Variants in LOC128092253 observed in about 807,000 individuals in gnomAD.
the LOC128092253 span, among the ~76,000 whole-genome samples, chr6:133,963,876 A>C: frequency 0.043 from 6,182 of 143,184 alleles, 151 homozygotes; most frequent in Non-Finnish European, 0.062. Context: ...TAAAAATACA[A>C]AAAAAAAAAA....
chr6:133,965,611 G>GT, the LOC128092253 span, among the ~76,000 whole-genome samples: 323 of 144,920 alleles, frequency 2.2e-3, 2 homozygotes, highest in Admixed American at 2.7e-3. Flanking sequence ...AGTTTTGTGG[G>GT]TTTTTTTTTT....
At chr6:133,969,354 A>AT in the LOC128092253 span, among the ~76,000 whole-genome samples, 4 of 146,068 alleles carry the variant, frequency 2.7e-5, no homozygotes, top group South Asian at 2.2e-4. Context: ...CTTAATATAG[A>AT]TTTTTTTAAC....
chr6:133,962,814 A>G, the LOC128092253 span, among the ~76,000 whole-genome samples: 15 of 152,332 alleles, frequency 9.8e-5, no homozygotes, highest in East Asian at 1.9e-4. Flanking sequence ...TGTGTATACA[A>G]TTTCAGGGGG....
the LOC128092253 span, among the ~76,000 whole-genome samples, chr6:133,968,609 C>G: frequency 6.6e-6 from 1 of 152,204 alleles, no homozygotes; most frequent in African/African-American, 2.4e-5. Flanking sequence ...CAGTTCAGAA[C>G]TAGTCCACTG....
At chr6:133,955,043 T>G in the LOC128092253 span, among the ~76,000 whole-genome samples, 1 of 152,054 alleles carries the variant, frequency 6.6e-6, no homozygotes, top group Non-Finnish European at 1.5e-5. Context: ...TTTAAGACAT[T>G]AAGAAGAAAA....
At chr6:133,976,121 C>T in the LOC128092253 span, among the ~76,000 whole-genome samples, 14 of 151,978 alleles carry the variant, frequency 9.2e-5, no homozygotes, top group Non-Finnish European at 1.8e-4. Context: ...TGTCAAAGGG[C>T]TTGTAGGAAA....
the LOC128092253 span, among the ~76,000 whole-genome samples, chr6:133,963,118 G>T: frequency 1.3e-5 from 2 of 152,174 alleles, no homozygotes; most frequent in African/African-American, 4.8e-5. Context: ...GATTATGCTG[G>T]TTTAAAAGCA....
the LOC128092253 span, among the ~76,000 whole-genome samples, chr6:133,966,845 C>T: frequency 2.0e-5 from 3 of 152,172 alleles, no homozygotes; most frequent in Non-Finnish European, 4.4e-5. Flanking sequence ...GTGGTCCGTC[C>T]TGTCATCTTG....
At chr6:133,977,516 C>CA in the LOC128092253 span, among the ~76,000 whole-genome samples, 4 of 152,174 alleles carry the variant, frequency 2.6e-5, no homozygotes, top group African/African-American at 4.8e-5. Flanking sequence ...GAGTAGAACT[C>CA]AAAGTAGTAA....
the LOC128092253 span, among the ~76,000 whole-genome samples, chr6:133,961,039 A>T: frequency 6.6e-6 from 1 of 152,362 alleles, no homozygotes; most frequent in East Asian, 1.9e-4. Context: ...TGTTAGGTGT[A>T]GGAGCACTAA....
the LOC128092253 span, among the ~76,000 whole-genome samples, chr6:133,964,285 A>T: frequency 6.6e-6 from 1 of 152,164 alleles, no homozygotes; most frequent in Non-Finnish European, 1.5e-5. Context: ...AGTTACTCAG[A>T]TCTGACAAGC....
the LOC128092253 span, among the ~76,000 whole-genome samples, chr6:133,977,956 A>G: frequency 6.6e-6 from 1 of 152,240 alleles, no homozygotes; most frequent in Non-Finnish European, 1.5e-5. Flanking sequence ...TAGACTTCCC[A>G]GAGGATACAT....
the LOC128092253 span, among the ~76,000 whole-genome samples, chr6:133,966,736 C>T: frequency 6.6e-6 from 1 of 152,048 alleles, no homozygotes; most frequent in African/African-American, 2.4e-5. Context: ...TCCCTTTTTT[C>T]CATCCCCATA....
chr6:133,962,511 C>CA, the LOC128092253 span, among the ~76,000 whole-genome samples: 28 of 152,328 alleles, frequency 1.8e-4, no homozygotes, highest in African/African-American at 6.0e-4. Flanking sequence ...AATTGTGACT[C>CA]ACTCCATTCA....
the LOC128092253 span, among the ~76,000 whole-genome samples, chr6:133,972,582 C>G: frequency 6.6e-6 from 1 of 152,300 alleles, no homozygotes; most frequent in East Asian, 1.9e-4. Flanking sequence ...TATGGAAACA[C>G]ACGGGCATGG....
the LOC128092253 span, among the ~76,000 whole-genome samples, chr6:133,966,667 A>G: frequency 6.6e-6 from 1 of 152,094 alleles, no homozygotes; most frequent in South Asian, 2.1e-4. Flanking sequence ...CCCTTTCTCC[A>G]GTGTTTCCTA....
the LOC128092253 span, among the ~76,000 whole-genome samples, chr6:133,962,070 T>A: frequency 6.6e-6 from 1 of 152,120 alleles, no homozygotes; most frequent in Admixed American, 6.5e-5. Context: ...AAGGACGATT[T>A]AGGCAGCTAT....
the LOC128092253 span, among the ~76,000 whole-genome samples, chr6:133,969,756 A>G: frequency 7.2e-5 from 11 of 152,238 alleles, no homozygotes; most frequent in African/African-American, 2.4e-4. Context: ...GTTAGACCTT[A>G]GTGCATCTAA....
chr6:133,957,410 T>C, the LOC128092253 span, among the ~76,000 whole-genome samples: 2 of 152,250 alleles, frequency 1.3e-5, no homozygotes, highest in East Asian at 3.8e-4. Flanking sequence ...GATAGACATC[T>C]GTGTGTAGAC....
Sources: allele counts gnomAD v4.1 joint callset (sites outside exome capture counted in the v4.1 genomes callset), GRCh38; gene constraint gnomAD v4.1.1; transcripts MANE v1.5.